The following ST3GAL1 variants were observed in gnomAD, a reference collection of about 807,000 sequenced individuals.
ST3GAL1 encodes the protein ST3 beta-galactoside alpha-2,3-sialyltransferase 1.
In ST3GAL1, 16 loss-of-function variants were observed where a neutral mutation model predicts 34.1. The observed-to-expected ratio is 0.47, with a 90% CI of 0.32 to 0.71. The LOEUF (loss-of-function observed/expected upper bound fraction) is 0.71, where lower values mean the gene tolerates loss of function less well. ST3GAL1 is among the 30% of genes least tolerant of loss of function. The pLI, the probability that ST3GAL1 is intolerant of heterozygous loss-of-function variation, is 0.04. For synonymous variants in ST3GAL1, 191 were observed against 184.7 expected (o/e 1.03, Z -0.28); for missense variants, 353 against 447.4 (o/e 0.79, Z 1.90).
chr8:133,475,699 G>A lies in ST3GAL1; in HGVS notation c.306+20C>T, dbSNP rs369793817. ...CACCCCAACTCTCAGCCCAGACCCC[G>A]CTCTCAGGCAGCATCTCACCAGCCA... is the stretch of plus-strand genomic sequence containing the variant. On this transcript the variant is annotated intron_variant, in intron 5 of 9. Transcript: ENST00000522652. The A allele has an allele frequency of 2.3e-5, 36 of 1,560,944 alleles. No homozygotes were observed. The highest frequency in any genetic ancestry group is 1.8e-4 in the Middle Eastern group (1 of 5,640).
chr8:133,553,659 G>T (rs1818924167), intron 1 of ST3GAL1, among the ~76,000 whole-genome samples: 2 of 152,314 alleles, frequency 1.3e-5, no homozygotes, highest in East Asian at 1.9e-4. Flanking sequence ...TGGTATGCTT[G>T]TTGAGAAGTG....
At chr8:133,496,894 C>A (rs1028229317) in intron 3 of ST3GAL1, among the ~76,000 whole-genome samples, 1 of 152,188 alleles carries the variant, frequency 6.6e-6, no homozygotes, top group African/African-American at 2.4e-5. Flanking sequence ...TCTTTTTTAA[C>A]AACTCACAAA....
intron 3 of ST3GAL1, among the ~76,000 whole-genome samples, chr8:133,497,125 G>A (rs1005017857): frequency 6.6e-6 from 1 of 152,196 alleles, no homozygotes; most frequent in African/African-American, 2.4e-5. Flanking sequence ...ACCCCTACCT[G>A]GGCCCTGTCT....
chr8:133,465,182 C>T (rs1355727089), intron 6 of ST3GAL1, among the ~76,000 whole-genome samples: 1 of 152,196 alleles, frequency 6.6e-6, no homozygotes, highest in Admixed American at 6.5e-5. Context: ...GCCATCACCA[C>T]CACTGCCCGC....
At chr8:133,563,270 C>T (rs1257169774) in intron 1 of ST3GAL1, among the ~76,000 whole-genome samples, 2 of 152,108 alleles carry the variant, frequency 1.3e-5, no homozygotes, top group Non-Finnish European at 2.9e-5. Flanking sequence ...TTGTAACCCT[C>T]TTTTTAATTC....
chr8:133,544,849 G>A (rs1818633597), intron 2 of ST3GAL1, among the ~76,000 whole-genome samples: 2 of 152,178 alleles, frequency 1.3e-5, no homozygotes, highest in African/African-American at 4.8e-5. Context: ...CAGAGAGAGA[G>A]TCCTTGCCAA....
chr8:133,550,523 G>A (rs1054527007), intron 1 of ST3GAL1, among the ~76,000 whole-genome samples: 9 of 152,244 alleles, frequency 5.9e-5, no homozygotes, highest in East Asian at 3.9e-4. Flanking sequence ...CCTTAGACCC[G>A]GGGTTCAGTG....
intron 2 of ST3GAL1, among the ~76,000 whole-genome samples, chr8:133,530,573 G>A (rs1322970206): frequency 2.0e-5 from 3 of 152,116 alleles, no homozygotes; most frequent in South Asian, 2.1e-4. Flanking sequence ...ATGTGCCACC[G>A]TGCCCAGTCC....
At chr8:133,477,974 A>C (rs917550527) in intron 3 of ST3GAL1, among the ~76,000 whole-genome samples, 3 of 152,206 alleles carry the variant, frequency 2.0e-5, no homozygotes, top group Non-Finnish European at 2.9e-5. Context: ...TCCAGGGCCC[A>C]AGATGCATAG....
chr8:133,480,436 G>A (rs1816337768), intron 3 of ST3GAL1, among the ~76,000 whole-genome samples: 1 of 152,140 alleles, frequency 6.6e-6, no homozygotes, highest in Admixed American at 6.5e-5. Flanking sequence ...TGAACGGGAT[G>A]GTAGTAAATA....
chr8:133,511,292 G>A (rs1026248938), intron 2 of ST3GAL1, among the ~76,000 whole-genome samples: 3 of 152,144 alleles, frequency 2.0e-5, no homozygotes, highest in African/African-American at 7.2e-5. Flanking sequence ...TTAAATCTGT[G>A]GTTCTTGCAA....
intron 3 of ST3GAL1, among the ~76,000 whole-genome samples, chr8:133,485,690 T>C (rs1816560274): frequency 6.6e-6 from 1 of 152,154 alleles, no homozygotes; most frequent in South Asian, 2.1e-4. Context: ...CCTGCTGTAT[T>C]CTACAGGGTG....
Position 133,464,925 on chromosome 8 carries a change from G to A in ST3GAL1, c.536C>T (p.Ala179Val). 6.2e-7 allele frequency: 1 copy of A among 1,613,874 alleles called. No individual in the cohort carries two copies. The highest frequency in any genetic ancestry group is 1.1e-5 in the South Asian group (1 of 91,052). ...MNKAPTAGFE[A>V]DVGTKTTHHL... ...GTGGGTGGTCTTGGTCCCAACATCA[G>A]CTTCAAACCCTGCCGTGGGCGCCTT... is the stretch of plus-strand genomic sequence containing the variant. The change falls in exon 7 of 10, where the codon GCT (alanine) becomes GTT (valine). Residue 179 changes from alanine to valine, a missense_variant. Transcript: ENST00000522652.
Position 133,459,676 on chromosome 8 carries a change from A to G in ST3GAL1, c.*88T>C. ...GGCACACACCTGAGGCTGCCCCTCCAAGCTCCGGGATGGAACGGCTCCAGC... is the reference window on the plus strand; with the variant it reads ...GGCACACACCTGAGGCTGCCCCTCCGAGCTCCGGGATGGAACGGCTCCAGC... On this transcript the variant is annotated 3_prime_UTR_variant, in exon 10 of 10. Transcript: ENST00000522652. The surrounding 1 kb of genome is among the most constrained non-coding windows in gnomAD (Gnocchi z 4.7). 2.0e-6 allele frequency: 3 copies of G among 1,495,478 alleles called. No individual in the cohort carries two copies. The highest frequency in any genetic ancestry group is 2.7e-6 in the Non-Finnish European group (3 of 1,115,918). The allele number at this position is 1,495,478 out of a possible 1,614,324, so 92.6% of individuals were successfully genotyped here.
At chr8:133,518,617 C>T (rs1425163637) in intron 2 of ST3GAL1, among the ~76,000 whole-genome samples, 1 of 152,178 alleles carries the variant, frequency 6.6e-6, no homozygotes, top group African/African-American at 2.4e-5. Flanking sequence ...TACAAAAATG[C>T]AGCAAACACA....
chr8:133,498,891 TC>T lies in ST3GAL1; in HGVS notation c.-374+243del, dbSNP rs556464819. ...ATCCTGAACCCAGGTGCGCCTAAGC[TC>T]CGGGTTTGTCCCGGCCACGGCACCC... is the stretch of plus-strand genomic sequence containing the variant. On this transcript the variant is annotated intron_variant, in intron 3 of 9. Coordinates refer to ENST00000522652, the MANE Select transcript of ST3GAL1 (RefSeq NM_173344.3). 1.9e-3 allele frequency among the ~76,000 whole-genome samples: 290 copies of T among 152,284 alleles called. 1 individual carries two copies. The highest frequency in any genetic ancestry group is 6.8e-3 in the African/African-American group (281 of 41,566).
At chr8:133,514,062 A>G (rs901318117) in intron 2 of ST3GAL1, among the ~76,000 whole-genome samples, 2 of 152,218 alleles carry the variant, frequency 1.3e-5, no homozygotes, top group South Asian at 2.1e-4. Context: ...TGCAAAAACG[A>G]TCATCACAAA....
intron 1 of ST3GAL1, among the ~76,000 whole-genome samples, chr8:133,551,590 G>T (rs949840146): frequency 6.7e-6 from 1 of 150,172 alleles, no homozygotes; most frequent in South Asian, 2.1e-4. Context: ...AAGAAAGAAA[G>T]AAAGAAAGAA....
intron 2 of ST3GAL1, among the ~76,000 whole-genome samples, chr8:133,506,370 G>A (rs1817336962): frequency 6.6e-6 from 1 of 152,224 alleles, no homozygotes; most frequent in Non-Finnish European, 1.5e-5. Flanking sequence ...CATGTGGCAA[G>A]GGCTCCCTAA....
Sources: allele counts gnomAD v4.1 joint callset (sites outside exome capture counted in the v4.1 genomes callset), GRCh38; gene constraint gnomAD v4.1.1; non-coding constraint Gnocchi (gnomAD v3.1); transcripts MANE v1.5; gene names NCBI Gene and HGNC (gene_info 2026-07-23, HGNC 2026-07-21).